The following KCNH8 variants were observed in gnomAD, a reference collection of about 807,000 sequenced individuals.
KCNH8 encodes voltage-gated delayed rectifier potassium channel KCNH8.
Under a neutral mutation model 103.6 loss-of-function variants are expected in KCNH8, and 70 were observed. That is an observed-to-expected ratio of 0.68 (90% CI 0.56 to 0.82). KCNH8 has a LOEUF of 0.82. Among genes scored for constraint, KCNH8 ranks in the 40% least tolerant of loss-of-function variants. The probability of loss-of-function intolerance (pLI) is 0.00; values close to 1 mark genes in which losing one functional copy is unlikely to be tolerated. For synonymous variants in KCNH8, 498 were observed against 489.4 expected, an observed-to-expected ratio of 1.02 and a Z score of -0.23; for missense variants, 1,217 against 1,329.9, an observed-to-expected ratio of 0.92 and a Z score of 1.32.
chr3:19,281,905 C>T (rs2064761760), intron 3 of KCNH8, among the ~76,000 whole-genome samples: 2 of 152,004 alleles, frequency 1.3e-5, no homozygotes. Flanking sequence ...TGTTGTTTAC[C>T]TTGTATCTTC....
intron 1 of KCNH8, among the ~76,000 whole-genome samples, chr3:19,244,831 G>A (rs1275765422): frequency 6.6e-6 from 1 of 151,376 alleles, no homozygotes; most frequent in African/African-American, 2.4e-5. Context: ...TTTGTTTGTT[G>A]GTTTGTTGAA....
At chr3:19,514,652 C>T (rs943885930) in intron 13 of KCNH8, among the ~76,000 whole-genome samples, 4 of 150,162 alleles carry the variant, frequency 2.7e-5, no homozygotes, top group African/African-American at 9.8e-5. Flanking sequence ...GGGTTAGATA[C>T]TATTTACCAT....
chr3:19,285,701 TAAA>T (rs200066593), intron 3 of KCNH8, among the ~76,000 whole-genome samples: 1 of 133,310 alleles, frequency 7.5e-6, no homozygotes. Flanking sequence ...GTTGACATAG[TAAA>T]AAAAAAAAAA....
intron 3 of KCNH8, among the ~76,000 whole-genome samples, chr3:19,335,084 T>C (rs922509738): frequency 6.6e-6 from 1 of 151,974 alleles, no homozygotes; most frequent in Non-Finnish European, 1.5e-5. Flanking sequence ...TTAGCCTTTT[T>C]ATAAGTTACA....
intron 1 of KCNH8, among the ~76,000 whole-genome samples, chr3:19,204,439 A>T (rs908315970): frequency 3.3e-5 from 5 of 151,038 alleles, no homozygotes; most frequent in Non-Finnish European, 7.4e-5. Flanking sequence ...AGAGAGAGAG[A>T]GTGTCTGTGT....
intron 5 of KCNH8, among the ~76,000 whole-genome samples, chr3:19,389,832 G>A (rs1221314884): frequency 6.6e-6 from 1 of 151,938 alleles, no homozygotes; most frequent in Non-Finnish European, 1.5e-5. Context: ...TTCTCGTTTT[G>A]TTGCCCAGAC....
chr3:19,323,748 C>T (rs537312967), intron 3 of KCNH8, among the ~76,000 whole-genome samples: 60 of 152,168 alleles, frequency 3.9e-4, no homozygotes, highest in African/African-American at 1.2e-3. Flanking sequence ...TCCTGAGATC[C>T]GAACTGCAAT....
intron 3 of KCNH8, among the ~76,000 whole-genome samples, chr3:19,333,220 A>G (rs887494545): frequency 6.6e-6 from 1 of 152,100 alleles, no homozygotes; most frequent in Non-Finnish European, 1.5e-5. Context: ...ATTGTTGAGT[A>G]TTCAGAGTTC....
intron 1 of KCNH8, among the ~76,000 whole-genome samples, chr3:19,215,824 C>T (rs2063812950): frequency 6.6e-6 from 1 of 152,224 alleles, no homozygotes; most frequent in African/African-American, 2.4e-5. Context: ...GGTGATTACA[C>T]TCTCTTCGGC....
intron 11 of KCNH8, among the ~76,000 whole-genome samples, chr3:19,481,956 T>C (rs907822099): frequency 6.6e-6 from 1 of 152,182 alleles, no homozygotes; most frequent in African/African-American, 2.4e-5. Flanking sequence ...CAACAATTTG[T>C]AGAAGGAAAG....
intron 8 of KCNH8, among the ~76,000 whole-genome samples, chr3:19,440,771 A>G (rs984072968): frequency 3.3e-5 from 5 of 152,168 alleles, no homozygotes; most frequent in South Asian, 2.1e-4. Context: ...GTGAACATTT[A>G]TTAGTTGTTT....
At chr3:19,187,389 T>C (rs2063512734) in intron 1 of KCNH8, among the ~76,000 whole-genome samples, 1 of 152,010 alleles carries the variant, frequency 6.6e-6, no homozygotes, top group African/African-American at 2.4e-5. Flanking sequence ...ATAATTGTCA[T>C]GAAATAACAA....
intron 11 of KCNH8, among the ~76,000 whole-genome samples, chr3:19,504,656 A>G (rs1465724232): frequency 6.6e-6 from 1 of 152,198 alleles, no homozygotes; most frequent in African/African-American, 2.4e-5. Context: ...TAGAATGTCT[A>G]TTATTAAAAA....
At chr3:19,365,456 T>C (rs942066524) in intron 5 of KCNH8, among the ~76,000 whole-genome samples, 3 of 150,736 alleles carry the variant, frequency 2.0e-5, no homozygotes, top group Non-Finnish European at 4.4e-5. Flanking sequence ...ATTTAATATC[T>C]GCATAATATT....
intron 1 of KCNH8, among the ~76,000 whole-genome samples, chr3:19,177,433 T>A (rs1017662558): frequency 2.0e-5 from 3 of 152,094 alleles, no homozygotes; most frequent in Non-Finnish European, 2.9e-5. Context: ...TAATATACAA[T>A]AGGAATTATT....
intron 3 of KCNH8, among the ~76,000 whole-genome samples, chr3:19,296,816 C>T (rs761888198): frequency 2.6e-5 from 4 of 151,830 alleles, no homozygotes; most frequent in Non-Finnish European, 4.4e-5. Flanking sequence ...TGTAACCAAA[C>T]ACCACCTGTT....
intron 1 of KCNH8, among the ~76,000 whole-genome samples, chr3:19,251,751 A>G (rs1458846846): frequency 1.3e-5 from 2 of 152,168 alleles, no homozygotes; most frequent in East Asian, 1.9e-4. Flanking sequence ...TTCAAAAGGT[A>G]TAGTAGGGTA....
chr3:19,170,637 C>CAT (rs750905438), intron 1 of KCNH8, among the ~76,000 whole-genome samples: 2 of 139,638 alleles, frequency 1.4e-5, no homozygotes, highest in Non-Finnish European at 3.0e-5. Context: ...TATATACACA[C>CAT]ATATATATAC....
intron 15 of KCNH8, among the ~76,000 whole-genome samples, chr3:19,524,697 G>T (rs777447854): frequency 2.6e-5 from 4 of 151,882 alleles, no homozygotes; most frequent in Non-Finnish European, 5.9e-5. Flanking sequence ...GCTTATGATT[G>T]CTTATAGATA....
Sources: gnomAD v4.1 joint callset for allele counts (sites outside exome capture counted in the v4.1 genomes callset) on GRCh38, gnomAD v4.1.1 for gene constraint, MANE v1.5 for transcripts, NCBI Gene and HGNC (gene_info 2026-07-23, HGNC 2026-07-21) for gene names.